RGL1: variants seen among roughly 807,000 people sequenced by gnomAD.
RGL1 encodes ral guanine nucleotide dissociation stimulator like 1.
In RGL1, 24 loss-of-function variants were observed where a neutral mutation model predicts 95.2. That is an observed-to-expected ratio of 0.25 (90% CI 0.18 to 0.35). The LOEUF (loss-of-function observed/expected upper bound fraction) is 0.35, where lower values mean the gene tolerates loss of function less well. RGL1 is among the 10% of genes least tolerant of loss of function. RGL1 has a pLI of 1.00. For synonymous variants in RGL1, 329 were observed against 344.9 expected (o/e 0.95, Z 0.51); for missense variants, 715 against 936.3 (o/e 0.76, Z 3.08).
At chr1:183,835,715 C>T (rs181697863) in intron 2 of RGL1, among the ~76,000 whole-genome samples, 33 of 152,270 alleles carry the variant, frequency 2.2e-4, no homozygotes, top group African/African-American at 7.7e-4. Flanking sequence ...CAGATGTAAT[C>T]AGACTTAACT....
At chr1:183,693,673 G>A (rs1411582165) in intron 1 of RGL1, among the ~76,000 whole-genome samples, 1 of 151,750 alleles carries the variant, frequency 6.6e-6, no homozygotes, top group East Asian at 1.9e-4. Flanking sequence ...CCTGAGGGTG[G>A]ACAGTTGAGC....
chr1:183,854,858 T>A (rs1303133289), intron 3 of RGL1, among the ~76,000 whole-genome samples: 1 of 152,182 alleles, frequency 6.6e-6, no homozygotes, highest in Non-Finnish European at 1.5e-5. Context: ...TATAGAGTTA[T>A]TATAAAGTTT....
intron 5 of RGL1, among the ~76,000 whole-genome samples, chr1:183,881,348 T>C (rs1045292010): frequency 2.0e-5 from 3 of 152,200 alleles, no homozygotes; most frequent in African/African-American, 7.2e-5. Flanking sequence ...CCAGTGCAGA[T>C]TGTCATCATT....
At chr1:183,838,631 G>A (rs1254011839) in intron 2 of RGL1, among the ~76,000 whole-genome samples, 2 of 152,134 alleles carry the variant, frequency 1.3e-5, no homozygotes, top group Non-Finnish European at 2.9e-5. Context: ...TAGTTCAGAG[G>A]TGTAATTCCC....
Position 183,888,641 on chromosome 1 carries a change from C to A in RGL1, c.1055+64C>A, listed in dbSNP as rs1282319721. 6.2e-6 allele frequency: 6 copies of A among 971,542 alleles called. No homozygotes were observed. The South Asian group carries it at 8.0e-5, about 13-fold the overall frequency. The allele number at this position is 971,542 out of a possible 1,614,324, so 60.2% of individuals were successfully genotyped here. ...GGATAATTAGTGGTTGTGATGAGTC[C>A]TCACCTTCAAAGCTTGTATCGCATA... is the stretch of plus-strand genomic sequence containing the variant. On this transcript the variant is annotated intron_variant, in intron 8 of 17. Transcript: ENST00000360851.
chr1:183,732,831 A>G (rs1164516397), intron 1 of RGL1, among the ~76,000 whole-genome samples: 2 of 152,212 alleles, frequency 1.3e-5, no homozygotes, highest in African/African-American at 4.8e-5. Context: ...GGTCCTTCCC[A>G]TAGGCTGAGT....
chr1:183,742,590 A>G (rs1657378236), intron 2 of RGL1, among the ~76,000 whole-genome samples: 1 of 152,206 alleles, frequency 6.6e-6, no homozygotes, highest in Non-Finnish European at 1.5e-5. Context: ...AGCTGTGGGT[A>G]TCCCGCTAGC....
chr1:183,716,780 A>G (rs137949425), intron 1 of RGL1, among the ~76,000 whole-genome samples: 7 of 152,342 alleles, frequency 4.6e-5, no homozygotes, highest in African/African-American at 1.7e-4. Flanking sequence ...AAGCTTGTTG[A>G]TATCCCAAAT....
chr1:183,797,343 G>T (rs1660751558), intron 2 of RGL1, among the ~76,000 whole-genome samples: 1 of 151,996 alleles, frequency 6.6e-6, no homozygotes, highest in Non-Finnish European at 1.5e-5. Flanking sequence ...AAAAATTATT[G>T]CCAACAATTG....
At chr1:183,752,707 T>TCTCTCC (rs1337166963) in intron 2 of RGL1, among the ~76,000 whole-genome samples, 14 of 143,530 alleles carry the variant, frequency 9.8e-5, no homozygotes, top group African/African-American at 1.6e-4. Context: ...TCTCTCTCTT[T>TCTCTCC]CCCCTTTCCT....
chr1:183,830,225 T>C (rs1432659609), intron 2 of RGL1, among the ~76,000 whole-genome samples: 1 of 152,206 alleles, frequency 6.6e-6, no homozygotes, highest in East Asian at 1.9e-4. Context: ...GAATGAGATG[T>C]TTATTTCAGT....
chr1:183,844,148 A>G (rs974799143), intron 2 of RGL1, among the ~76,000 whole-genome samples: 2 of 152,174 alleles, frequency 1.3e-5, no homozygotes, highest in East Asian at 1.9e-4. Context: ...TCTAACTGCT[A>G]CTTTTGAATA....
At chr1:183,905,119 T>A in intron 13 of RGL1, 148 bp downstream of exon 13, 1 of 951,074 alleles carries the variant, frequency 1.1e-6, no homozygotes, top group Non-Finnish European at 1.5e-6. Flanking sequence ...GCGCATGGTG[T>A]GGCAGGAAAG....
intron 2 of RGL1, among the ~76,000 whole-genome samples, chr1:183,836,828 C>T (rs1232082003): frequency 6.6e-6 from 1 of 152,126 alleles, no homozygotes; most frequent in Non-Finnish European, 1.5e-5. Context: ...TATAAGTCCA[C>T]ATAGACTTTA....
At chr1:183,864,378 G>C (rs1019030295) in intron 3 of RGL1, among the ~76,000 whole-genome samples, 18 of 152,186 alleles carry the variant, frequency 1.2e-4, no homozygotes, top group Admixed American at 6.5e-4. Flanking sequence ...AGAGTTTATG[G>C]ATCCTTCTAG....
chr1:183,738,406 G>A (rs1657076635), intron 1 of RGL1, among the ~76,000 whole-genome samples: 1 of 151,144 alleles, frequency 6.6e-6, no homozygotes, highest in African/African-American at 2.4e-5. Flanking sequence ...GGGCGACAGA[G>A]CAAGACTCCG....
intron 1 of RGL1, among the ~76,000 whole-genome samples, chr1:183,664,225 AAAAT>A (rs1006085072): frequency 6.6e-6 from 1 of 151,740 alleles, no homozygotes; most frequent in African/African-American, 2.4e-5. Context: ...ATAATAAAAT[AAAAT>A]AAAAATAAAT....
intron 2 of RGL1, among the ~76,000 whole-genome samples, chr1:183,821,263 T>C (rs1232616496): frequency 2.0e-5 from 3 of 152,210 alleles, no homozygotes; most frequent in Admixed American, 1.3e-4. Flanking sequence ...CTCTCAGGCC[T>C]TACTTTTCAA....
At chr1:183,872,936 G>T (rs2102614778) in intron 4 of RGL1, among the ~76,000 whole-genome samples, 1 of 152,222 alleles carries the variant, frequency 6.6e-6, no homozygotes, top group South Asian at 2.1e-4. Flanking sequence ...TTTTTAAAGT[G>T]AAACAAAAGA....
Sources: allele counts gnomAD v4.1 joint callset (sites outside exome capture counted in the v4.1 genomes callset), GRCh38; gene constraint gnomAD v4.1.1; transcripts MANE v1.5; gene names NCBI Gene and HGNC (gene_info 2026-07-23, HGNC 2026-07-21).